The following LINGO2 variants were observed in gnomAD, a reference collection of about 807,000 sequenced individuals.
The protein encoded by LINGO2 is leucine rich repeat and Ig domain containing 2.
LINGO2 carries 14 observed loss-of-function variants against 30.6 expected under a neutral mutation model. That is an observed-to-expected ratio of 0.46 (90% CI 0.30 to 0.72). The LOEUF is 0.72. LINGO2 is among the 30% of genes least tolerant of loss of function. LINGO2 has a pLI of 0.07. For synonymous variants in LINGO2, 317 were observed against 288.5 expected, an observed-to-expected ratio of 1.10 and a Z score of -1.00; for missense variants, 729 against 751.7, an observed-to-expected ratio of 0.97 and a Z score of 0.35.
the LINGO2 span, among the ~76,000 whole-genome samples, chr9:29,139,978 A>G: frequency 1.1e-4 from 16 of 152,080 alleles, no homozygotes; most frequent in Non-Finnish European, 2.4e-4. Context: ...GAAAAAAGAA[A>G]CTGGCAAAAA....
intron 1 of LINGO2, among the ~76,000 whole-genome samples, chr9:28,663,710 TA>T (rs1828676365): frequency 6.6e-6 from 1 of 152,158 alleles, no homozygotes; most frequent in Non-Finnish European, 1.5e-5. Flanking sequence ...TATGGGTATA[TA>T]AAGAACACAT....
the LINGO2 span, among the ~76,000 whole-genome samples, chr9:29,092,064 A>T: frequency 1.3e-5 from 2 of 152,062 alleles, no homozygotes; most frequent in African/African-American, 4.8e-5. Context: ...ATGATCATAC[A>T]GATGTACTGA....
the LINGO2 span, among the ~76,000 whole-genome samples, chr9:29,158,038 G>A: frequency 6.6e-6 from 1 of 152,014 alleles, no homozygotes; most frequent in East Asian, 1.9e-4. Context: ...TTTAAAAATT[G>A]TTTATAAGAT....
At chr9:29,052,707 T>C in the LINGO2 span, among the ~76,000 whole-genome samples, 2 of 152,262 alleles carry the variant, frequency 1.3e-5, no homozygotes, top group East Asian at 3.9e-4. Flanking sequence ...CTCCTTGAGA[T>C]TGGAGAAGGG....
intron 4 of LINGO2, among the ~76,000 whole-genome samples, chr9:28,250,513 A>C (rs1175390950): frequency 6.6e-6 from 1 of 152,132 alleles, no homozygotes; most frequent in African/African-American, 2.4e-5. Flanking sequence ...TAGTGAAAGG[A>C]CCAGGAAAGG....
intron 1 of LINGO2, among the ~76,000 whole-genome samples, chr9:28,642,831 T>C (rs1827659867): frequency 6.6e-6 from 1 of 152,106 alleles, no homozygotes; most frequent in South Asian, 2.1e-4. Context: ...TATAAAACCA[T>C]TTTAAATTAT....
chr9:29,078,902 T>G, the LINGO2 span, among the ~76,000 whole-genome samples: 5 of 151,870 alleles, frequency 3.3e-5, no homozygotes, highest in Non-Finnish European at 5.9e-5. Flanking sequence ...TTTTAACAAT[T>G]ATTAGAAGGC....
intron 4 of LINGO2, among the ~76,000 whole-genome samples, chr9:28,286,779 G>T (rs1400323818): frequency 6.6e-6 from 1 of 152,080 alleles, no homozygotes; most frequent in African/African-American, 2.4e-5. Flanking sequence ...TGGTCACATA[G>T]AGGGAAACAA....
chr9:28,976,398 G>A, the LINGO2 span, among the ~76,000 whole-genome samples: 1 of 152,100 alleles, frequency 6.6e-6, no homozygotes, highest in Non-Finnish European at 1.5e-5. Context: ...ACCATGATCT[G>A]GAGAAAAGTG....
chr9:28,993,695 C>A, the LINGO2 span, among the ~76,000 whole-genome samples: 2 of 148,532 alleles, frequency 1.3e-5, no homozygotes, highest in African/African-American at 4.9e-5. Flanking sequence ...ATCCCTGGGA[C>A]GCAAGGCTGG....
intron 1 of LINGO2, among the ~76,000 whole-genome samples, chr9:28,505,847 T>G (rs1389270926): frequency 6.6e-6 from 1 of 151,854 alleles, no homozygotes; most frequent in African/African-American, 2.4e-5. Context: ...TCTTGGGGAG[T>G]GGGAGTCATG....
At chr9:28,977,813 T>A in the LINGO2 span, among the ~76,000 whole-genome samples, 8 of 152,104 alleles carry the variant, frequency 5.3e-5, no homozygotes, top group Non-Finnish European at 1.0e-4. Context: ...TTCTGACACA[T>A]TGAGCTGAGC....
At chr9:29,075,224 G>A in the LINGO2 span, among the ~76,000 whole-genome samples, 7 of 152,192 alleles carry the variant, frequency 4.6e-5, no homozygotes, top group East Asian at 1.9e-4. Context: ...TCAAAAGTAC[G>A]TCCAAAAATC....
chr9:28,632,854 T>TATATATATATATATATATATATATATATA (rs1563878982), intron 1 of LINGO2, among the ~76,000 whole-genome samples: 4 of 83,048 alleles, frequency 4.8e-5, no homozygotes, highest in African/African-American at 3.1e-4. Context: ...TATATATATT[T>TATATATATATATATATATATATATATATA]TTTATATATA....
intron 1 of LINGO2, among the ~76,000 whole-genome samples, chr9:28,512,798 G>T (rs902748711): frequency 2.6e-5 from 4 of 151,090 alleles, no homozygotes; most frequent in Non-Finnish European, 5.9e-5. Context: ...CAAAACTGAA[G>T]AACTTGGAGT....
chr9:28,998,865 G>A, the LINGO2 span, among the ~76,000 whole-genome samples: 1 of 151,720 alleles, frequency 6.6e-6, no homozygotes, highest in Non-Finnish European at 1.5e-5. Context: ...ACAGGTCTAG[G>A]GACAGTACAT....
chr9:28,747,923 T>C, the LINGO2 span, among the ~76,000 whole-genome samples: 1 of 152,052 alleles, frequency 6.6e-6, no homozygotes, highest in South Asian at 2.1e-4. Flanking sequence ...GTCACTAACG[T>C]ACTTGCTTTT....
the LINGO2 span, among the ~76,000 whole-genome samples, chr9:28,829,745 C>G: frequency 6.6e-6 from 1 of 152,102 alleles, no homozygotes; most frequent in Non-Finnish European, 1.5e-5. Flanking sequence ...AAAAAGCTAG[C>G]TGGGTGTGGT....
intron 1 of LINGO2, among the ~76,000 whole-genome samples, chr9:28,643,039 G>C (rs554273616): frequency 6.6e-6 from 1 of 151,870 alleles, no homozygotes; most frequent in Non-Finnish European, 1.5e-5. Flanking sequence ...AAATTGAAGA[G>C]GACACCAAAC....
Sources: gnomAD v4.1 joint callset for allele counts (sites outside exome capture counted in the v4.1 genomes callset) on GRCh38, gnomAD v4.1.1 for gene constraint, MANE v1.5 for transcripts, NCBI Gene and HGNC (gene_info 2026-07-23, HGNC 2026-07-21) for gene names.